Variants in LIMA1 observed in about 807,000 individuals in gnomAD.
The protein encoded by LIMA1 is LIM domain and actin binding 1.
LIMA1 carries 52 observed loss-of-function variants against 62.6 expected under a neutral mutation model. The ratio of observed to expected loss-of-function variants is 0.83; its 90% CI spans 0.67 to 1.05. The LOEUF is 1.05. LIMA1 is among the 50% of genes least tolerant of loss of function. The pLI is 0.00. For synonymous variants in LIMA1, 302 were observed against 317.8 expected (o/e 0.95, Z 0.53); for missense variants, 780 against 902.2 (o/e 0.86, Z 1.74).
Position 50,192,457 on chromosome 12 carries a change from T to A in LIMA1, c.1135A>T (p.Met379Leu). 1 of 1,607,150 alleles carries A rather than the reference T, an allele frequency of 6.2e-7. No individual in the cohort carries two copies. The highest frequency in any genetic ancestry group is 2.2e-5 in the East Asian group (1 of 44,840). Reference protein sequence around the residue: ...SLSESSPPKAMKKFQAPARET... With the variant: ...SLSESSPPKALKKFQAPARET... ...GAGAGAAATTGCCATCATACCTTCA[T>A]TGCTTTGGGAGGAGAACTTTCAGAA... is the stretch of plus-strand genomic sequence containing the variant. The change falls in exon 9 of 11, where the codon ATG becomes TTG. Residue 379 changes from methionine (M) to leucine (L), a missense_variant. Transcript: ENST00000341247.
intron 1 of LIMA1, among the ~76,000 whole-genome samples, chr12:50,263,815 CTATA>C (rs1299778798): frequency 1.0e-5 from 1 of 95,700 alleles, no homozygotes; most frequent in African/African-American, 4.0e-5. Context: ...GTGTGTGTGT[CTATA>C]TATATATAGA....
chr12:50,264,884 G>A (rs1021384599), intron 1 of LIMA1, among the ~76,000 whole-genome samples: 1 of 152,180 alleles, frequency 6.6e-6, no homozygotes, highest in African/African-American at 2.4e-5. Context: ...CAGGCACAGT[G>A]GCTCACACCT....
chr12:50,268,133 T>G (rs1942162087), intron 1 of LIMA1, among the ~76,000 whole-genome samples: 1 of 152,150 alleles, frequency 6.6e-6, no homozygotes, highest in Non-Finnish European at 1.5e-5. Context: ...TTAATATTCT[T>G]TCCAAACAAA....
intron 1 of LIMA1, among the ~76,000 whole-genome samples, chr12:50,274,657 C>T (rs1230748119): frequency 6.6e-6 from 1 of 151,714 alleles, no homozygotes; most frequent in African/African-American, 2.4e-5. Flanking sequence ...CAATTAAAGA[C>T]TGTGATTAGT....
At chr12:50,185,355 G>A (rs1294104626) in intron 9 of LIMA1, 1 of 456,066 alleles carries the variant, frequency 2.2e-6, no homozygotes, top group East Asian at 6.9e-5. Flanking sequence ...CAGAAGGAAA[G>A]GAGAACCTGT....
intron 1 of LIMA1, among the ~76,000 whole-genome samples, chr12:50,266,973 C>A (rs769086317): frequency 6.6e-6 from 1 of 152,124 alleles, no homozygotes; most frequent in Non-Finnish European, 1.5e-5. Context: ...TGGCTCACTG[C>A]AGCCTCTGCC....
intron 2 of LIMA1, among the ~76,000 whole-genome samples, chr12:50,242,858 C>T (rs1367864437): frequency 6.6e-6 from 1 of 152,176 alleles, no homozygotes; most frequent in East Asian, 1.9e-4. Flanking sequence ...GGGTTTAGCC[C>T]TTAGGGTGTT....
chr12:50,261,042 A>ATTTTTTTTTTTTTTTTTTTTTTTTTT lies in LIMA1; in HGVS notation c.-23-12294_-23-12269dup, dbSNP rs71083524. Among the ~76,000 whole-genome samples, 2 of 54,296 alleles carry ATTTTTTTTTTTTTTTTTTTTTTTTTT rather than the reference A, an allele frequency of 3.7e-5. 1 individual carries two copies. The highest frequency in any genetic ancestry group is 6.4e-5 in the Non-Finnish European group (2 of 31,314). The allele number at this position is 54,296 out of a possible 152,430, so 35.6% of individuals were successfully genotyped here. On this transcript the variant is annotated intron_variant, in intron 1 of 10. Coordinates refer to ENST00000341247, the MANE Select transcript of LIMA1 (RefSeq NM_016357.5). ...CTTTTGCTTTTCTGCCATCTAGTAT[A>ATTTTTTTTTTTTTTTTTTTTTTTTTT]TTTTTTTTTTTTTTTTTTTTTTTTT...
intron 1 of LIMA1, among the ~76,000 whole-genome samples, chr12:50,258,992 C>A (rs909278410): frequency 5.3e-5 from 8 of 152,096 alleles, no homozygotes; most frequent in Admixed American, 1.3e-4. Context: ...ATTTCTGACT[C>A]CAGTCTAGCA....
chr12:50,271,544 A>T (rs920483549), intron 1 of LIMA1, among the ~76,000 whole-genome samples: 2 of 152,126 alleles, frequency 1.3e-5, no homozygotes, highest in African/African-American at 4.8e-5. Context: ...TTTCACACAT[A>T]GTAAGAAAAA....
In LIMA1 at chr12:50,177,665, T is replaced by C. The variant is rs1441338237; in HGVS notation, c.1679A>G (p.Asp560Gly). 6.2e-7 allele frequency: 1 copy of C among 1,608,240 alleles called. No individual in the cohort carries two copies. Among genetic ancestry groups the C allele is most frequent in the Non-Finnish European group, 8.5e-7 (1 of 1,177,468 alleles). The change falls in exon 11 of 11, where the codon GAC (aspartate) becomes GGC (glycine). Residue 560 changes from aspartate to glycine, a missense_variant. Asp to Gly is a moderately conservative substitution (Grantham distance 94). Transcript: ENST00000341247. ...KMSKPKWPPE[D>G]EISKPEVPED... ...AGGAACTTCGGGCTTGCTGATTTCG[T>C]CTTCAGGAGGCCATTTGGGCTTTGA...
At position 50,190,605 on chromosome 12, in the gene LIMA1, C is replaced by A. The variant is rs11169305; in HGVS notation, c.1140+1847G>T. On this transcript the variant is annotated intron_variant, in intron 9 of 10. Coordinates refer to ENST00000341247, the MANE Select transcript of LIMA1 (RefSeq NM_016357.5). Reference sequence around the variant, plus strand: ...ATGTTGTTCAGGCTGGTCTTGAACTCCCGACCTCAGGTGATCCGCCCGTCT... The same window carrying A: ...ATGTTGTTCAGGCTGGTCTTGAACTACCGACCTCAGGTGATCCGCCCGTCT... 8.0e-3 allele frequency among the ~76,000 whole-genome samples: 1,168 copies of A among 146,152 alleles called. 16 individuals are homozygous for A. The highest frequency in any genetic ancestry group is 0.028 in the African/African-American group (1,119 of 39,440).
chr12:50,253,700 G>A (rs1021521522), intron 1 of LIMA1, among the ~76,000 whole-genome samples: 2 of 152,108 alleles, frequency 1.3e-5, no homozygotes, highest in African/African-American at 4.8e-5. Flanking sequence ...ACCCTCCATT[G>A]TAGTAACTGG....
At position 50,200,944 on chromosome 12, in the gene LIMA1, T is replaced by C. The variant is rs1291305240; in HGVS notation, c.865-60A>G. Reference sequence around the variant, plus strand: ...AAGTCCCATCATTCTGTTCTCTTCATAGCACATCTATTAGATAAACTTGGA... The same window carrying C: ...AAGTCCCATCATTCTGTTCTCTTCACAGCACATCTATTAGATAAACTTGGA... On this transcript the variant is annotated intron_variant, in intron 6 of 10. Transcript: ENST00000341247. 4.4e-6 allele frequency: 7 copies of C among 1,578,712 alleles called. No individual in the cohort carries two copies. The Admixed American group carries it at 5.8e-5, about 13-fold the overall frequency.
chr12:50,222,089 C>G lies in LIMA1; in HGVS notation c.562G>C (p.Glu188Gln), dbSNP rs141511949. 37 of 1,614,068 alleles carry G rather than the reference C, an allele frequency of 2.3e-5. No homozygotes were observed. The African/African-American group carries it at 4.4e-4, about 19-fold the overall frequency. The part of the protein sequence containing the change: ...SENTDASGKI[E>Q]KYNVPLNRLK... ...CTGTTCAGCGGAACATTATATTTCT[C>G]TATTTTGCCCGAAGCATCTGTGTTT... The change falls in exon 4 of 11, where the codon GAG becomes CAG. Residue 188 changes from glutamate (E) to glutamine (Q), a missense_variant. Glu to Gln is a conservative substitution (Grantham distance 29, BLOSUM62 2). Coordinates refer to ENST00000341247, the MANE Select transcript of LIMA1 (RefSeq NM_016357.5).
chr12:50,258,201 A>G (rs1942022129), intron 1 of LIMA1, among the ~76,000 whole-genome samples: 1 of 152,156 alleles, frequency 6.6e-6, no homozygotes, highest in South Asian at 2.1e-4. Flanking sequence ...ACTACTAGTT[A>G]TGCTCATTGC....
At chr12:50,279,058 T>G (rs528992250) in intron 1 of LIMA1, among the ~76,000 whole-genome samples, 1 of 150,174 alleles carries the variant, frequency 6.7e-6, no homozygotes, top group Non-Finnish European at 1.5e-5. Context: ...CAGGCTGGAG[T>G]GCAGTGGCAT....
chr12:50,243,691 AAT>A (rs887834175), intron 2 of LIMA1, among the ~76,000 whole-genome samples: 2 of 152,096 alleles, frequency 1.3e-5, no homozygotes, highest in Non-Finnish European at 2.9e-5. Context: ...CTTCCTCTGG[AAT>A]GTCTTCAGCA....
intron 2 of LIMA1, among the ~76,000 whole-genome samples, chr12:50,235,471 G>A (rs1314376932): frequency 4.0e-5 from 6 of 151,234 alleles, no homozygotes. Context: ...CACCAAGTTT[G>A]CCACGCTGGT....
Sources: allele counts gnomAD v4.1 joint callset (sites outside exome capture counted in the v4.1 genomes callset), GRCh38; gene constraint gnomAD v4.1.1; transcripts MANE v1.5; gene names NCBI Gene and HGNC (gene_info 2026-07-23, HGNC 2026-07-21).